The following RABGAP1L variants were observed in gnomAD, a reference collection of about 807,000 sequenced individuals.
RABGAP1L encodes the protein RAB GTPase activating protein 1 like.
A neutral mutation model predicts 137.7 loss-of-function variants in RABGAP1L; 63 were observed. The ratio of observed to expected loss-of-function variants is 0.46; its 90% CI spans 0.37 to 0.56. The LOEUF is 0.56. Among genes scored for constraint, RABGAP1L ranks in the 20% least tolerant of loss-of-function variants. RABGAP1L has a pLI of 0.00. For missense variants in RABGAP1L, 1,095 were observed against 1,244.0 expected, an observed-to-expected ratio of 0.88 and a Z score of 1.80; for synonymous variants, 431 against 433.7, an observed-to-expected ratio of 0.99 and a Z score of 0.08.
At chr1:174,755,279 A>G (rs1684648832) in intron 18 of RABGAP1L, among the ~76,000 whole-genome samples, 1 of 152,246 alleles carries the variant, frequency 6.6e-6, no homozygotes, top group African/African-American at 2.4e-5. Context: ...AATACTAGGC[A>G]GCATCATGAA....
At chr1:174,946,938 ATATGTG>A (rs1212636223) in intron 19 of RABGAP1L, among the ~76,000 whole-genome samples, 37 of 65,368 alleles carry the variant, frequency 5.7e-4, no homozygotes, top group East Asian at 1.4e-3. Context: ...ATATATATAT[ATATGTG>A]TGTGTGTGTG....
intron 18 of RABGAP1L, among the ~76,000 whole-genome samples, chr1:174,802,297 C>T (rs950085059): frequency 1.4e-4 from 22 of 152,256 alleles, no homozygotes; most frequent in African/African-American, 4.6e-4. Context: ...ATAATGCCAC[C>T]TGCATTATGT....
intron 19 of RABGAP1L, among the ~76,000 whole-genome samples, chr1:174,870,911 T>G (rs974399469): frequency 6.6e-6 from 1 of 151,978 alleles, no homozygotes; most frequent in African/African-American, 2.4e-5. Context: ...CTAATTTTTT[T>G]TATATTTTTA....
At chr1:174,849,209 C>T (rs1173088187) in intron 19 of RABGAP1L, among the ~76,000 whole-genome samples, 3 of 152,154 alleles carry the variant, frequency 2.0e-5, no homozygotes, top group Non-Finnish European at 2.9e-5. Flanking sequence ...ACGCTGGGAG[C>T]TGTAGACCGG....
At chr1:174,691,125 G>A (rs1010277392) in intron 15 of RABGAP1L, among the ~76,000 whole-genome samples, 1 of 152,112 alleles carries the variant, frequency 6.6e-6, no homozygotes, top group Non-Finnish European at 1.5e-5. Context: ...ACCATGCCGG[G>A]CCCATTCATT....
At chr1:174,899,879 G>A (rs1657860160) in intron 19 of RABGAP1L, among the ~76,000 whole-genome samples, 1 of 152,030 alleles carries the variant, frequency 6.6e-6, no homozygotes, top group African/African-American at 2.4e-5. Flanking sequence ...TGGAAGTCAG[G>A]CTGGTAAAGC....
rs183210032 is a variant in RABGAP1L, at chr1:174,685,804, G to A, written c.1899+2208G>A. Among the ~76,000 whole-genome samples the A allele has an allele frequency of 3.3e-5, 5 of 152,184 alleles. No homozygotes were observed. The East Asian group carries it at 7.7e-4, about 23-fold the overall frequency. ...TCAAACTCCTGACCTCAAGTGTGCCGTCTGCCTTGGCCTCCTAAAGTGCTG... is the reference window on the plus strand; with the variant it reads ...TCAAACTCCTGACCTCAAGTGTGCCATCTGCCTTGGCCTCCTAAAGTGCTG... On this transcript the variant is annotated intron_variant, in intron 15 of 25. Coordinates refer to ENST00000681986, the MANE Select transcript of RABGAP1L (RefSeq NM_001366446.1).
At chr1:174,911,544 G>T (rs1660056887) in intron 19 of RABGAP1L, among the ~76,000 whole-genome samples, 1 of 152,134 alleles carries the variant, frequency 6.6e-6, no homozygotes, top group African/African-American at 2.4e-5. Flanking sequence ...GATAAATTTT[G>T]TGAGCCTATT....
At chr1:174,166,737 G>A (rs562098877) in intron 1 of RABGAP1L, among the ~76,000 whole-genome samples, 17 of 152,296 alleles carry the variant, frequency 1.1e-4, no homozygotes, top group Non-Finnish European at 2.4e-4. Context: ...GTGTGTAGTC[G>A]ATTTGAAGAA....
At chr1:174,274,606 CTGTG>C (rs61468070) in intron 8 of RABGAP1L, among the ~76,000 whole-genome samples, 3,686 of 146,112 alleles carry the variant, frequency 0.025, 67 homozygotes, top group Middle Eastern at 0.088. Flanking sequence ...ACAGGTGACT[CTGTG>C]TGTGTGTGTG....
intron 1 of RABGAP1L, among the ~76,000 whole-genome samples, chr1:174,185,879 C>T (rs773855207): frequency 3.3e-4 from 50 of 152,172 alleles, no homozygotes; most frequent in Non-Finnish European, 5.7e-4. Flanking sequence ...CGCGGTGGCT[C>T]ACACCTGTAA....
At chr1:174,578,740 T>C (rs1357560080) in intron 13 of RABGAP1L, among the ~76,000 whole-genome samples, 4 of 152,166 alleles carry the variant, frequency 2.6e-5, no homozygotes, top group Admixed American at 6.5e-5. Context: ...ATGACCTTTC[T>C]AATTGAATTT....
intron 13 of RABGAP1L, among the ~76,000 whole-genome samples, chr1:174,401,628 C>T (rs1313413646): frequency 6.6e-6 from 1 of 152,070 alleles, no homozygotes; most frequent in African/African-American, 2.4e-5. Context: ...ACTTGTACCG[C>T]TAATTCATTC....
rs1448418374 is a variant in RABGAP1L at position 174,724,926 on chromosome 1, A to G, written c.2169+22670A>G. 3.3e-5 allele frequency among the ~76,000 whole-genome samples: 5 copies of G among 152,292 alleles called. No homozygotes were observed. The East Asian group carries it at 9.6e-4, about 29-fold the overall frequency. On this transcript the variant is annotated intron_variant, in intron 17 of 25. Coordinates refer to ENST00000681986, the MANE Select transcript of RABGAP1L (RefSeq NM_001366446.1). Reference sequence around the variant, plus strand: ...TCACGGTGATGAGTAGGGGAAGTGCATGCTTGAGGCTCTTGGGTGGCAGGT... The same window carrying G: ...TCACGGTGATGAGTAGGGGAAGTGCGTGCTTGAGGCTCTTGGGTGGCAGGT...
intron 7 of RABGAP1L, among the ~76,000 whole-genome samples, chr1:174,255,464 TCAGTGTTAC>T (rs773354358): frequency 3.9e-4 from 60 of 152,306 alleles, no homozygotes; most frequent in Non-Finnish European, 7.6e-4. Context: ...TACCAATATC[TCAGTGTTAC>T]CAGTGTTACC....
At chr1:174,701,951 C>T (rs923114165) in intron 16 of RABGAP1L, among the ~76,000 whole-genome samples, 162 bp from the exon 17 acceptor site, 1 of 152,134 alleles carries the variant, frequency 6.6e-6, no homozygotes, top group Admixed American at 6.5e-5. Context: ...CCCTAATTCT[C>T]ATCTGCTGTC....
intron 13 of RABGAP1L, among the ~76,000 whole-genome samples, chr1:174,486,710 G>T (rs538297240): frequency 2.0e-5 from 3 of 151,912 alleles, no homozygotes; most frequent in Admixed American, 2.0e-4. Context: ...TGGTTTTCTA[G>T]TTCTTTAAGA....
chr1:174,939,214 C>A (rs770247079), intron 19 of RABGAP1L, among the ~76,000 whole-genome samples: 1 of 151,966 alleles, frequency 6.6e-6, no homozygotes, highest in African/African-American at 2.4e-5. Context: ...ATCTAGCAAG[C>A]TTGGTGTTCT....
At chr1:174,697,104 T>G (rs368871064) in intron 15 of RABGAP1L, among the ~76,000 whole-genome samples, 66 of 152,322 alleles carry the variant, frequency 4.3e-4, no homozygotes, top group Admixed American at 1.4e-3. Flanking sequence ...TCTGTATCCC[T>G]AAAGCCTAGA....
Sources: gnomAD v4.1 joint callset for allele counts (sites outside exome capture counted in the v4.1 genomes callset) on GRCh38, gnomAD v4.1.1 for gene constraint, MANE v1.5 for transcripts, NCBI Gene and HGNC (gene_info 2026-07-23, HGNC 2026-07-21) for gene names.